CTNNA2: variants seen among roughly 807,000 people sequenced by gnomAD.
CTNNA2 encodes the protein catenin alpha-2.
CTNNA2 carries 42 observed loss-of-function variants against 101.0 expected under a neutral mutation model. That is an observed-to-expected ratio of 0.42 (90% CI 0.32 to 0.54). The LOEUF is 0.54. Ranked by LOEUF, CTNNA2 falls within the 20% of genes least tolerant of loss-of-function variation. The pLI is 0.14. For synonymous variants in CTNNA2, 450 were observed against 456.4 expected (o/e 0.99, Z 0.18); for missense variants, 871 against 1,223.1 (o/e 0.71, Z 4.29).
chr2:80,377,728 T>A (rs1434862390), intron 7 of CTNNA2, among the ~76,000 whole-genome samples: 1 of 152,228 alleles, frequency 6.6e-6, no homozygotes, highest in Non-Finnish European at 1.5e-5. Flanking sequence ...TCTAGGAGAC[T>A]AAGATGAACC....
intron 7 of CTNNA2, among the ~76,000 whole-genome samples, chr2:80,218,112 T>C (rs1471889211): frequency 6.6e-6 from 1 of 152,178 alleles, no homozygotes; most frequent in Non-Finnish European, 1.5e-5. Context: ...GCTGAAAGGG[T>C]GGAGCAGTTG....
At chr2:79,463,950 G>C (rs1573177756) in intron 4 of CTNNA2, among the ~76,000 whole-genome samples, 1 of 150,750 alleles carries the variant, frequency 6.6e-6, no homozygotes, top group Admixed American at 6.6e-5. Context: ...GAAAAATAAT[G>C]TTATCATAAG....
At chr2:79,213,726 T>C (rs901958145) in intron 2 of CTNNA2, among the ~76,000 whole-genome samples, 1 of 152,156 alleles carries the variant, frequency 6.6e-6, no homozygotes, top group African/African-American at 2.4e-5. Flanking sequence ...GGAGGCTGGA[T>C]TGAAGTCCGG....
chr2:79,805,780 A>G (rs1676523975), intron 3 of CTNNA2, among the ~76,000 whole-genome samples: 2 of 152,016 alleles, frequency 1.3e-5, no homozygotes, highest in East Asian at 1.9e-4. Context: ...TACTAAAAAT[A>G]CAAAAAAATT....
intron 7 of CTNNA2, among the ~76,000 whole-genome samples, chr2:79,982,234 A>G (rs1381347250): frequency 1.5e-4 from 14 of 96,012 alleles, no homozygotes; most frequent in Admixed American, 5.4e-4. Flanking sequence ...ATATATATAT[A>G]TATATATGTA....
chr2:80,103,580 A>G (rs777464276), intron 7 of CTNNA2, among the ~76,000 whole-genome samples: 4 of 152,204 alleles, frequency 2.6e-5, no homozygotes, highest in Non-Finnish European at 4.4e-5. Flanking sequence ...GCAAGTTAGT[A>G]TCCCCATCTA....
chr2:79,414,467 C>A (rs921900707), intron 4 of CTNNA2, among the ~76,000 whole-genome samples: 7 of 151,970 alleles, frequency 4.6e-5, no homozygotes, highest in African/African-American at 1.7e-4. Context: ...ATAATATATA[C>A]TATATCCCCC....
At chr2:79,281,426 T>C in intron 2 of CTNNA2, 1 of 152,220 alleles carries the variant, frequency 6.6e-6, no homozygotes, top group East Asian at 1.9e-4. Context: ...CTGACCTATA[T>C]ACTCAAAACA....
chr2:80,035,367 G>A (rs547399419), intron 7 of CTNNA2, among the ~76,000 whole-genome samples: 4 of 152,174 alleles, frequency 2.6e-5, no homozygotes, highest in African/African-American at 9.6e-5. Flanking sequence ...AAAAAAATTG[G>A]GAAGATTAAA....
At chr2:79,349,601 A>G (rs571958905) in intron 3 of CTNNA2, among the ~76,000 whole-genome samples, 1 of 152,350 alleles carries the variant, frequency 6.6e-6, no homozygotes, top group South Asian at 2.1e-4. Context: ...ATACACCTAT[A>G]GATTAGATAT....
intron 4 of CTNNA2, among the ~76,000 whole-genome samples, chr2:79,423,148 A>C (rs1398512494): frequency 1.3e-5 from 2 of 151,864 alleles, no homozygotes; most frequent in Non-Finnish European, 2.9e-5. Flanking sequence ...CTTTTGGAGG[A>C]CTCTTTCTGA....
chr2:80,521,214 G>A (rs1402374464), intron 9 of CTNNA2, among the ~76,000 whole-genome samples: 1 of 152,148 alleles, frequency 6.6e-6, no homozygotes, highest in Non-Finnish European at 1.5e-5. Flanking sequence ...TAAGTTGAGG[G>A]AACAGGATTT....
At chr2:80,599,890 C>T (rs539059427) in intron 15 of CTNNA2, among the ~76,000 whole-genome samples, 20 of 151,412 alleles carry the variant, frequency 1.3e-4, no homozygotes, top group Admixed American at 1.2e-3. Flanking sequence ...CGTCATTTAG[C>T]ATTAGGTATA....
chr2:79,843,089 A>C (rs746994338), intron 3 of CTNNA2, among the ~76,000 whole-genome samples: 8 of 152,248 alleles, frequency 5.3e-5, no homozygotes, highest in Non-Finnish European at 1.0e-4. Flanking sequence ...AATGTGTAAC[A>C]ATGGGGCAAA....
intron 2 of CTNNA2, among the ~76,000 whole-genome samples, chr2:79,743,686 A>C (rs2104987632): frequency 6.6e-6 from 1 of 152,064 alleles, no homozygotes; most frequent in African/African-American, 2.4e-5. Flanking sequence ...GGCACCTGCC[A>C]CCAGGCCCAG....
At chr2:79,990,550 T>C (rs6710280) in intron 7 of CTNNA2, among the ~76,000 whole-genome samples, 6,037 of 152,278 alleles carry the variant, frequency 0.04, 373 homozygotes, top group African/African-American at 0.14. Context: ...CTGTCTATGC[T>C]TCAGTTTCTT....
intron 3 of CTNNA2, among the ~76,000 whole-genome samples, chr2:79,745,185 C>G (rs533859558): frequency 8.5e-5 from 13 of 152,160 alleles, no homozygotes; most frequent in Non-Finnish European, 1.6e-4. Context: ...ATTCCTAGCA[C>G]TTTGAGAGGC....
intron 1 of CTNNA2, among the ~76,000 whole-genome samples, chr2:79,640,538 A>G (rs60076393): frequency 0.04 from 6,118 of 152,294 alleles, 393 homozygotes; most frequent in African/African-American, 0.14. Context: ...TGAAGTATAA[A>G]TTACGTTCTC....
At chr2:80,232,321 TTTTGTTTGTTTG>T (rs71386616) in intron 7 of CTNNA2, among the ~76,000 whole-genome samples, 2,347 of 110,276 alleles carry the variant, frequency 0.021, 54 homozygotes, top group South Asian at 0.039. Context: ...AGAATTTGGG[TTTTGTTTGTTTG>T]TTTGTTTGTT....
Sources: gnomAD v4.1 joint callset for allele counts (sites outside exome capture counted in the v4.1 genomes callset) on GRCh38, gnomAD v4.1.1 for gene constraint, MANE v1.5 for transcripts, NCBI Gene and HGNC (gene_info 2026-07-23, HGNC 2026-07-21) for gene names.